The following FHAD1 variants were observed in gnomAD, a reference collection of about 807,000 sequenced individuals.
FHAD1 encodes the protein forkhead associated phosphopeptide binding domain 1.
In FHAD1, 146 loss-of-function variants were observed where a neutral mutation model predicts 191.3. That is an observed-to-expected ratio of 0.76 (90% CI 0.67 to 0.88). The LOEUF is 0.88. Ranked by LOEUF, FHAD1 falls within the 40% of genes least tolerant of loss-of-function variation. FHAD1 has a pLI of 0.00. For synonymous variants in FHAD1, 616 were observed against 672.3 expected, an observed-to-expected ratio of 0.92 and a Z score of 1.29; for missense variants, 1,635 against 1,785.8, an observed-to-expected ratio of 0.92 and a Z score of 1.52.
downstream of FHAD1, among the ~76,000 whole-genome samples, chr1:15,399,099 G>C (rs1396895977): frequency 6.6e-6 from 1 of 152,186 alleles, no homozygotes; most frequent in African/African-American, 2.4e-5. Context: ...TGGGATTACA[G>C]GCATGAGCTA....
intron 3 of FHAD1, among the ~76,000 whole-genome samples, chr1:15,275,173 A>G (rs1172159912): frequency 6.6e-6 from 1 of 152,178 alleles, no homozygotes; most frequent in Non-Finnish European, 1.5e-5. Context: ...CGTGTTAGCC[A>G]GGATGGTCTC....
Position 15,352,274 on chromosome 1 carries a change from AAC to A in FHAD1, c.2455-602_2455-601del, listed in dbSNP as rs1691167081. Among the ~76,000 whole-genome samples, 5 of 152,214 alleles carry A rather than the reference AAC, an allele frequency of 3.3e-5. No individual in the cohort carries two copies. In the South Asian group the frequency reaches 1.0e-3, roughly 32 times the overall value. ...CAACAGCTGCAGATAGAGTTTTTCA[AAC>A]CCTCCCTAGCTGTTTACCTCCCAGG... On this transcript the variant is annotated intron_variant, in intron 19 of 33. Coordinates refer to ENST00000688493, the MANE Select transcript of FHAD1 (RefSeq NM_001391957.1).
rs371381521 is a variant in FHAD1 at position 15,321,518 on chromosome 1, A to G, written c.1366-2934A>G. 9.2e-5 allele frequency among the ~76,000 whole-genome samples: 14 copies of G among 152,352 alleles called. No homozygotes were observed. In the East Asian group the frequency reaches 2.7e-3, roughly 29 times the overall value. ...CTTCGCTTACCCCATCCAGACTTAT[A>G]TGCCATTGTTATCATTTTCTAAACT... is the stretch of plus-strand genomic sequence containing the variant. On this transcript the variant is annotated intron_variant, in intron 10 of 33. Coordinates refer to ENST00000688493, the MANE Select transcript of FHAD1 (RefSeq NM_001391957.1).
chr1:15,367,014 A>C (rs1234085579), intron 24 of FHAD1, among the ~76,000 whole-genome samples: 1 of 152,152 alleles, frequency 6.6e-6, no homozygotes. Flanking sequence ...CCCTGTAGCT[A>C]TTCCTGTTAA....
rs1306532193 is a variant in FHAD1, at chr1:15,311,662, A to G, written c.1040-1395A>G. ...AAAGATTGATTCTTGATTGATACCC[A>G]CCAATAAAACTAGGATGAATGTTTT... On this transcript the variant is annotated intron_variant, in intron 7 of 33. Coordinates refer to ENST00000688493, the MANE Select transcript of FHAD1 (RefSeq NM_001391957.1). This position sits in a 1 kb window ranked among gnomAD's most constrained non-coding sequence, Gnocchi z 4.1. Among the ~76,000 whole-genome samples, 1 of 152,162 alleles carries G rather than the reference A, an allele frequency of 6.6e-6. No homozygotes were observed. Among genetic ancestry groups the G allele is most frequent in the Non-Finnish European group, 1.5e-5 (1 of 68,030 alleles).
Position 15,382,061 on chromosome 1 carries a change from G to A in FHAD1, c.4056G>A (p.Ser1352=), listed in dbSNP as rs35816204. The change falls in exon 31 of 34, where the codon TCG becomes TCA. Residue 1352 remains serine (S), a synonymous_variant. Transcript: ENST00000688493. The part of the protein sequence containing the change: ...RSKVSIEMYQ[S]QVAKLEDDIY... ...AAGTGTCCATTGAGATGTACCAGTC[G>A]CAGGTGGCAAAGCTGGAGGATGATA... 44,084 of 1,552,132 alleles carry A rather than the reference G, an allele frequency of 0.028. 749 individuals carry two copies. The highest frequency in any genetic ancestry group is 0.039 in the Middle Eastern group (233 of 5,998).
intron 3 of FHAD1, among the ~76,000 whole-genome samples, chr1:15,275,389 T>G (rs956456797): frequency 5.3e-5 from 8 of 152,218 alleles, no homozygotes; most frequent in Non-Finnish European, 1.2e-4. Flanking sequence ...CCCTGGCCCA[T>G]GCCCAGAGTA....
chr1:15,350,561 G>C (rs1690509246), intron 19 of FHAD1, among the ~76,000 whole-genome samples: 1 of 152,208 alleles, frequency 6.6e-6, no homozygotes. Context: ...GAGAGGTGGG[G>C]AAGGAACCAC....
intron 15 of FHAD1, among the ~76,000 whole-genome samples, chr1:15,339,768 C>CT (rs2102176889): frequency 6.6e-6 from 1 of 152,290 alleles, no homozygotes; most frequent in African/African-American, 2.4e-5. Context: ...GTGCTGCCCT[C>CT]TGGCCTCCTG....
In FHAD1 at chr1:15,308,551, G is replaced by A. The variant is rs548937894; in HGVS notation, c.916-62G>A. 4.6e-4 allele frequency: 701 copies of A among 1,538,772 alleles called. 2 individuals carry two copies. The Middle Eastern group carries it at 5.6e-3, about 12-fold the overall frequency. On this transcript the variant is annotated intron_variant, in intron 6 of 33. Coordinates refer to ENST00000688493, the MANE Select transcript of FHAD1 (RefSeq NM_001391957.1). The stretch of plus-strand genomic sequence containing the variant: ...AATCTTTCTGTCAAGCTTGTGAGAA[G>A]TACCTGTGTGTCTCCCAGACGTGGG...
chr1:15,297,654 TG>T (rs2100806052), intron 5 of FHAD1, among the ~76,000 whole-genome samples: 1 of 152,300 alleles, frequency 6.6e-6, no homozygotes, highest in South Asian at 2.1e-4. Flanking sequence ...CACAATTCTA[TG>T]GGTTGCCTTG....
At chr1:15,313,430 G>A (rs79291577) in intron 8 of FHAD1, among the ~76,000 whole-genome samples, 2,013 of 152,272 alleles carry the variant, frequency 0.013, 39 homozygotes, top group African/African-American at 0.047. Flanking sequence ...AGATCGGCGT[G>A]CACGTGCCCC....
At chr1:15,344,986 C>A (rs1211861104) in intron 16 of FHAD1, 97 bp from the exon 17 acceptor site, 3 of 886,124 alleles carry the variant, frequency 3.4e-6, no homozygotes, top group Non-Finnish European at 3.6e-6. Flanking sequence ...CAGGGGAGTG[C>A]GGTGAGGAGT....
Position 15,352,881 on chromosome 1 carries a change from C to T in FHAD1, c.2459C>T (p.Ser820Leu), listed in dbSNP as rs1268250792. 6.4e-7 allele frequency: 1 copy of T among 1,551,112 alleles called. No homozygotes were observed. The highest frequency in any genetic ancestry group is 2.4e-5 in the East Asian group (1 of 40,882). ...ENHLTQQKEI[S>L]ESNIAYEKRK... ...ACCACTTTCATTGACTTCCAGATCTCAGAGAGCAACATTGCGTACGAGAAA... is the reference window on the plus strand; with the variant it reads ...ACCACTTTCATTGACTTCCAGATCTTAGAGAGCAACATTGCGTACGAGAAA... Residue 820 changes from serine to leucine, a missense_variant, in exon 20 of 34, where the codon TCA becomes TTA. Physicochemically the swap from Ser to Leu is moderately radical, Grantham distance 145. Transcript: ENST00000688493.
chr1:15,376,140 A>G (rs1387768474), intron 28 of FHAD1, among the ~76,000 whole-genome samples: 1 of 147,876 alleles, frequency 6.8e-6, no homozygotes, highest in African/African-American at 2.5e-5. Context: ...CCCAGGCTGG[A>G]GTGCAGTGGC....
intron 26 of FHAD1, among the ~76,000 whole-genome samples, chr1:15,371,086 C>A (rs778925164): frequency 6.6e-6 from 1 of 152,204 alleles, no homozygotes; most frequent in Non-Finnish European, 1.5e-5. Flanking sequence ...AGCAGGTCCA[C>A]GTGGCCGTAA....
intron 7 of FHAD1, among the ~76,000 whole-genome samples, chr1:15,309,531 G>A (rs1671589417): frequency 6.6e-6 from 1 of 152,160 alleles, no homozygotes; most frequent in Non-Finnish European, 1.5e-5. Flanking sequence ...GAAGCACTCA[G>A]GGGGTGAAGT....
rs1215000259 is a variant in FHAD1 at position 15,392,329 on chromosome 1, G to A, written c.4323+1066G>A. On this transcript the variant is annotated intron_variant, in intron 33 of 33. Coordinates refer to ENST00000688493, the MANE Select transcript of FHAD1 (RefSeq NM_001391957.1). ...GGGCGGATCACGAGGTCAGGAGATC[G>A]AGACCATCCTGGCTAACACGGTGAA... Among the ~76,000 whole-genome samples the A allele has an allele frequency of 5.3e-5, 8 of 152,182 alleles. No homozygotes were observed. In the East Asian group the frequency reaches 1.2e-3, roughly 22 times the overall value.
chr1:15,318,269 TG>T lies in FHAD1; in HGVS notation c.1365+344del, dbSNP rs1272937221. Among the ~76,000 whole-genome samples, 1 of 152,140 alleles carries T rather than the reference TG, an allele frequency of 6.6e-6. No individual in the cohort carries two copies. The highest frequency in any genetic ancestry group is 2.4e-5 in the African/African-American group (1 of 41,436). On this transcript the variant is annotated intron_variant, in intron 10 of 33. Coordinates refer to ENST00000688493, the MANE Select transcript of FHAD1 (RefSeq NM_001391957.1). The surrounding 1 kb of genome is among the most constrained non-coding windows in gnomAD (Gnocchi z 4.1). ...ATTATTTTAATGTCCCTTCCCATCATGGGAAAAAAAATTGTATTGCATACTC... is the reference window on the plus strand; with the variant it reads ...ATTATTTTAATGTCCCTTCCCATCATGGAAAAAAAATTGTATTGCATACTC...
Sources: allele counts gnomAD v4.1 joint callset (sites outside exome capture counted in the v4.1 genomes callset), GRCh38; gene constraint gnomAD v4.1.1; non-coding constraint Gnocchi (gnomAD v3.1); transcripts MANE v1.5; gene names NCBI Gene and HGNC (gene_info 2026-07-23, HGNC 2026-07-21).